Variants in CHN1 observed in about 807,000 individuals in gnomAD.
The protein encoded by CHN1 is N-chimaerin.
In CHN1, 37 loss-of-function variants were observed where a neutral mutation model predicts 59.5. The observed-to-expected ratio is 0.62, with a 90% CI of 0.48 to 0.82. The LOEUF (loss-of-function observed/expected upper bound fraction) is 0.82, where lower values mean the gene tolerates loss of function less well. Among genes scored for constraint, CHN1 ranks in the 40% least tolerant of loss-of-function variants. The pLI is 0.00. For missense variants in CHN1, 469 were observed against 571.0 expected (o/e 0.82, Z 1.82); for synonymous variants, 206 against 200.4 (o/e 1.03, Z -0.24).
rs962311848 is a variant in CHN1 at position 174,799,096 on chromosome 2, A to T, written c.*1020T>A. On this transcript the variant is annotated 3_prime_UTR_variant, in exon 13 of 13. Transcript: ENST00000409900. The stretch of plus-strand genomic sequence containing the variant: ...TTTGACAAATCAAATGTTTAGAAGA[A>T]GTTACTCTTTTTAGTTAGCCTCTTT... Among the ~76,000 whole-genome samples, 2 of 152,264 alleles carry T rather than the reference A, an allele frequency of 1.3e-5. No homozygotes were observed. Among genetic ancestry groups the T allele is most frequent in the Non-Finnish European group, 2.9e-5 (2 of 68,048 alleles).
intron 7 of CHN1, among the ~76,000 whole-genome samples, chr2:174,837,571 T>C (rs1574072728): frequency 6.6e-6 from 1 of 152,180 alleles, no homozygotes; most frequent in African/African-American, 2.4e-5. Flanking sequence ...CATAAAAATA[T>C]AGAAAATAAG....
Position 174,987,649 on chromosome 2 carries a change from T to A in CHN1, c.19+17245A>T, listed in dbSNP as rs542983284. ...TGGGGTTTCACTGTATTGGCCAGGA[T>A]GATCTCGAACTCCTGATCTCATGAT... On this transcript the variant is annotated intron_variant, in intron 1 of 12. Coordinates refer to ENST00000409900, the MANE Select transcript of CHN1 (RefSeq NM_001822.7). 1.1e-3 allele frequency among the ~76,000 whole-genome samples: 172 copies of A among 152,302 alleles called. 1 individual carries two copies. Among genetic ancestry groups the A allele is most frequent in the Non-Finnish European group, 1.9e-3 (129 of 68,026 alleles).
chr2:174,993,538 G>A (rs549515563), intron 1 of CHN1, among the ~76,000 whole-genome samples: 25 of 151,680 alleles, frequency 1.6e-4, no homozygotes, highest in African/African-American at 5.6e-4. Context: ...GGAGCATACA[G>A]AGACTTCTCT....
At chr2:174,861,447 C>T (rs73030295) in intron 6 of CHN1, among the ~76,000 whole-genome samples, 18 of 152,284 alleles carry the variant, frequency 1.2e-4, no homozygotes, top group African/African-American at 4.3e-4. Flanking sequence ...ATGGCACATT[C>T]GTAAGCCTCT....
At position 174,935,646 on chromosome 2, in the gene CHN1, C is replaced by T. The variant is rs79404292; in HGVS notation, c.114+9242G>A. Among the ~76,000 whole-genome samples the T allele has an allele frequency of 4.8e-3, 728 of 152,200 alleles. 6 individuals carry two copies. Among genetic ancestry groups the T allele is most frequent in the African/African-American group, 0.017 (689 of 41,514 alleles). ...AAAACATTTTTAAAACATGTGTTGGCCTGGCACGGTGGCTCACGCCTGTAA... is the reference window on the plus strand; with the variant it reads ...AAAACATTTTTAAAACATGTGTTGGTCTGGCACGGTGGCTCACGCCTGTAA... On this transcript the variant is annotated intron_variant, in intron 3 of 12. Transcript: ENST00000409900.
chr2:174,858,206 T>C (rs1686965150), intron 6 of CHN1, among the ~76,000 whole-genome samples: 1 of 152,190 alleles, frequency 6.6e-6, no homozygotes, highest in South Asian at 2.1e-4. Flanking sequence ...TGTTACAGAC[T>C]TCTTTAAACT....
At chr2:174,907,814 A>T (rs1002802990) in intron 5 of CHN1, among the ~76,000 whole-genome samples, 3 of 152,090 alleles carry the variant, frequency 2.0e-5, no homozygotes, top group African/African-American at 7.2e-5. Context: ...AAGTAGTATG[A>T]TACTATACAT....
In CHN1 at chr2:174,885,660, G is replaced by A. The variant is rs191142665; in HGVS notation, c.261-7532C>T. On this transcript the variant is annotated intron_variant, in intron 5 of 12. Coordinates refer to ENST00000409900, the MANE Select transcript of CHN1 (RefSeq NM_001822.7). ...AGCCCAGCTAATATTTAGTAGAGTT[G>A]GGGTTTTGCCATGTTGGCCAGGCTG... Among the ~76,000 whole-genome samples the A allele has an allele frequency of 4.6e-5, 7 of 152,102 alleles. No homozygotes were observed. The East Asian group carries it at 1.4e-3, about 29-fold the overall frequency.
intron 5 of CHN1, among the ~76,000 whole-genome samples, chr2:174,901,756 G>A (rs1428330331): frequency 2.0e-5 from 3 of 152,102 alleles, no homozygotes; most frequent in Non-Finnish European, 4.4e-5. Context: ...GAGATTATAG[G>A]TAATATTTTC....
chr2:174,961,520 G>C (rs1271414727), intron 1 of CHN1, among the ~76,000 whole-genome samples: 1 of 151,958 alleles, frequency 6.6e-6, no homozygotes, highest in Non-Finnish European at 1.5e-5. Context: ...GAACCCGGGA[G>C]GCGGAGGTTG....
intron 5 of CHN1, among the ~76,000 whole-genome samples, chr2:174,891,276 G>A (rs190582618): frequency 1.1e-4 from 16 of 151,568 alleles, no homozygotes; most frequent in Admixed American, 9.2e-4. Flanking sequence ...AATATCTTGA[G>A]ACAAATGAAA....
At chr2:174,978,819 C>T (rs184210291) in intron 1 of CHN1, among the ~76,000 whole-genome samples, 1 of 152,110 alleles carries the variant, frequency 6.6e-6, no homozygotes, top group Non-Finnish European at 1.5e-5. Context: ...TCCAGACTGA[C>T]CAAACCAGTA....
intron 5 of CHN1, among the ~76,000 whole-genome samples, chr2:174,896,867 C>A (rs909139815): frequency 2.6e-5 from 4 of 152,102 alleles, no homozygotes; most frequent in African/African-American, 9.7e-5. Flanking sequence ...AATATCACCA[C>A]CATATGTATA....
intron 1 of CHN1, among the ~76,000 whole-genome samples, chr2:174,990,329 G>A (rs1251718237): frequency 2.8e-5 from 4 of 145,162 alleles, no homozygotes; most frequent in East Asian, 4.1e-4. Flanking sequence ...GGGGGGGTGC[G>A]GGGGGGCGGG....
chr2:174,898,710 T>G (rs904343745), intron 5 of CHN1, among the ~76,000 whole-genome samples: 2 of 152,178 alleles, frequency 1.3e-5, no homozygotes, highest in Non-Finnish European at 2.9e-5. Context: ...ATTTTAAGAT[T>G]TTTTTTCTAC....
At chr2:174,878,849 T>C (rs909520470) in intron 5 of CHN1, among the ~76,000 whole-genome samples, 1 of 152,278 alleles carries the variant, frequency 6.6e-6, no homozygotes, top group African/African-American at 2.4e-5. Context: ...GTTCTGATGA[T>C]GTGCTCTAAC....
At chr2:174,961,835 T>C (rs184531046) in intron 1 of CHN1, among the ~76,000 whole-genome samples, 2 of 152,230 alleles carry the variant, frequency 1.3e-5, no homozygotes, top group African/African-American at 4.8e-5. Flanking sequence ...AGCAAGAGAA[T>C]GAGAGTGATG....
intron 6 of CHN1, 74 bp downstream of exon 6, chr2:174,877,766 T>A (rs1574117319): frequency 1.5e-6 from 2 of 1,358,068 alleles, no homozygotes; most frequent in East Asian, 4.7e-5. Context: ...TAAATCAATC[T>A]CTTCTGGCAA....
intron 9 of CHN1, chr2:174,812,092 A>G: frequency 2.5e-6 from 1 of 395,214 alleles, no homozygotes; most frequent in South Asian, 1.3e-4. Flanking sequence ...ATTTTTATAC[A>G]AGCACATTGG....
Sources: gnomAD v4.1 joint callset for allele counts (sites outside exome capture counted in the v4.1 genomes callset) on GRCh38, gnomAD v4.1.1 for gene constraint, MANE v1.5 for transcripts, NCBI Gene and HGNC (gene_info 2026-07-23, HGNC 2026-07-21) for gene names.